The following BCR variants were observed in gnomAD, a reference collection of about 807,000 sequenced individuals.
BCR encodes breakpoint cluster region protein.
A neutral mutation model predicts 138.6 loss-of-function variants in BCR; 58 were observed. The ratio of observed to expected loss-of-function variants is 0.42; its 90% confidence interval spans 0.34 to 0.52. The LOEUF (loss-of-function observed/expected upper bound fraction) is 0.52. BCR is among the 20% of genes least tolerant of loss of function. The probability of loss-of-function intolerance (pLI) is 0.06; values close to 1 mark genes in which losing one functional copy is unlikely to be tolerated. For synonymous variants in BCR, 786 were observed against 730.1 expected (o/e 1.08, Z -1.23); for missense variants, 1,599 against 1,727.2 (o/e 0.93, Z 1.32).
chr22:23,287,917 C>T (rs1048920395), intron 11 of BCR, among the ~76,000 whole-genome samples, 180 bp from the exon 12 acceptor site: 1 of 152,198 alleles, frequency 6.6e-6, no homozygotes, highest in African/African-American at 2.4e-5. Flanking sequence ...TGCTGTGGCA[C>T]CCAGCTGGCA....
chr22:23,264,017 CAT>C (rs2073405187), intron 4 of BCR: 20 of 904,318 alleles, frequency 2.2e-5, no homozygotes, highest in South Asian at 1.9e-4. Flanking sequence ...TGCTGGATGT[CAT>C]ATATGAGTCC....
At chr22:23,304,513 G>A (rs1568983641) in intron 16 of BCR, among the ~76,000 whole-genome samples, 1 of 152,060 alleles carries the variant, frequency 6.6e-6, no homozygotes, top group Admixed American at 6.5e-5. Context: ...TCTAGTTTGG[G>A]CTGTTAAGGT....
At chr22:23,311,993 G>C (rs2074013281) in intron 19 of BCR, 157 bp downstream of exon 19, 2 of 1,387,136 alleles carry the variant, frequency 1.4e-6, no homozygotes, top group East Asian at 5.1e-5. Flanking sequence ...GACAAGAGTT[G>C]TAGAAAAAGC....
At chr22:23,225,030 G>A (rs1473576992) in intron 1 of BCR, among the ~76,000 whole-genome samples, 1 of 151,774 alleles carries the variant, frequency 6.6e-6, no homozygotes, top group Non-Finnish European at 1.5e-5. Context: ...GCAGCTGGCT[G>A]GGATGCTGCA....
chr22:23,240,848 C>G (rs1259676999), intron 1 of BCR, among the ~76,000 whole-genome samples: 1 of 152,124 alleles, frequency 6.6e-6, no homozygotes, highest in Non-Finnish European at 1.5e-5. Flanking sequence ...CCCCTCCTGT[C>G]CAGCACCTCA....
chr22:23,230,660 G>T (rs927569975), intron 1 of BCR, among the ~76,000 whole-genome samples: 1 of 152,222 alleles, frequency 6.6e-6, no homozygotes, highest in Non-Finnish European at 1.5e-5. Flanking sequence ...CTGTCTTAAT[G>T]GTCTTTGCAG....
At chr22:23,271,247 C>T (rs1481697025) in intron 5 of BCR, among the ~76,000 whole-genome samples, 1 of 152,236 alleles carries the variant, frequency 6.6e-6, no homozygotes, top group African/African-American at 2.4e-5. Flanking sequence ...AGCTGCTCAG[C>T]ACCCTAAGGT....
chr22:23,235,281 T>A (rs969675145), intron 1 of BCR, among the ~76,000 whole-genome samples: 1 of 144,068 alleles, frequency 6.9e-6, no homozygotes, highest in Non-Finnish European at 1.6e-5. Context: ...GGTTTCACCA[T>A]GCTGGCCAGA....
At chr22:23,306,252 T>C (rs577013707) in intron 16 of BCR, 1 of 152,184 alleles carries the variant, frequency 6.6e-6, no homozygotes, top group Non-Finnish European at 1.5e-5. Context: ...AGTACCAGGT[T>C]GGAGTGGGCG....
At chr22:23,240,690 A>G (rs550284072) in intron 1 of BCR, among the ~76,000 whole-genome samples, 4 of 152,242 alleles carry the variant, frequency 2.6e-5, no homozygotes, top group African/African-American at 7.2e-5. Context: ...GAAAATATAC[A>G]TAACATGTAC....
At chr22:23,303,600 A>G (rs1023866121) in intron 16 of BCR, among the ~76,000 whole-genome samples, 7 of 152,268 alleles carry the variant, frequency 4.6e-5, no homozygotes, top group African/African-American at 1.7e-4. Context: ...CTCTTGCAGC[A>G]GGAACACAAA....
chr22:23,234,827 G>C (rs925019334), intron 1 of BCR, among the ~76,000 whole-genome samples: 1 of 143,950 alleles, frequency 6.9e-6, no homozygotes, highest in Admixed American at 7.0e-5. Context: ...TGGGACCAGG[G>C]CCGAACCCGT....
intron 1 of BCR, among the ~76,000 whole-genome samples, chr22:23,224,516 C>CATAA (rs2072865168): frequency 6.6e-6 from 1 of 152,190 alleles, no homozygotes. Context: ...CCCTGCTTAC[C>CATAA]CACTCTCGTT....
chr22:23,297,697 G>A (rs2073861819), intron 16 of BCR, among the ~76,000 whole-genome samples: 2 of 152,164 alleles, frequency 1.3e-5, no homozygotes, highest in Admixed American at 6.5e-5. Flanking sequence ...ACCAGGTAAA[G>A]GGAGGTTCAG....
Position 23,317,386 on chromosome 22 carries a change from G to C in BCR, c.*1864G>C, listed in dbSNP as rs991516771. 5.5e-6 allele frequency: 1 copy of C among 182,866 alleles called. No individual in the cohort carries two copies. The highest frequency in any genetic ancestry group is 2.7e-5 in the African/African-American group (1 of 36,500). The allele number at this position is 182,866 out of a possible 1,614,324, so 11.3% of individuals were successfully genotyped here. On this transcript the variant is annotated 3_prime_UTR_variant, in exon 23 of 23. Coordinates refer to ENST00000305877, the MANE Select transcript of BCR (RefSeq NM_004327.4). ...AGCCTCTGCTCTCTGTACCTATCTG[G>C]GCCCGGTGGGCTCCCTTGTCCTGGC...
chr22:23,262,028 G>A (rs755954407), intron 4 of BCR: 51 of 154,314 alleles, frequency 3.3e-4, no homozygotes, highest in Non-Finnish European at 7.0e-4. Flanking sequence ...AGCCTTCCGC[G>A]TAGCTGGGGC....
intron 1 of BCR, among the ~76,000 whole-genome samples, chr22:23,204,402 A>C (rs1466023154): frequency 1.3e-5 from 2 of 151,702 alleles, no homozygotes; most frequent in Non-Finnish European, 2.9e-5. Context: ...TGTGATTCTA[A>C]ATAAAATTAA....
rs534462173 is a variant in BCR at position 23,189,173 on chromosome 22, T to C, written c.1279+6934T>C. On this transcript the variant is annotated intron_variant, in intron 1 of 22. Coordinates refer to ENST00000305877, the MANE Select transcript of BCR (RefSeq NM_004327.4). Reference sequence around the variant, plus strand: ...CTGCGCCCGGCTAAAATTTATATTATAAGATGCACCATTTTCTCCATTTTT... The same window carrying C: ...CTGCGCCCGGCTAAAATTTATATTACAAGATGCACCATTTTCTCCATTTTT... 2.0e-3 allele frequency among the ~76,000 whole-genome samples: 300 copies of C among 152,314 alleles called. 2 individuals are homozygous for C. Among genetic ancestry groups the C allele is most frequent in the African/African-American group, 6.9e-3 (286 of 41,576 alleles).
chr22:23,241,524 C>G (rs1164910568), intron 1 of BCR, among the ~76,000 whole-genome samples: 1 of 152,174 alleles, frequency 6.6e-6, no homozygotes, highest in East Asian at 1.9e-4. Flanking sequence ...CCACGCCATC[C>G]TCCTTTGAAG....
Sources: gnomAD v4.1 joint callset for allele counts (sites outside exome capture counted in the v4.1 genomes callset) on GRCh38, gnomAD v4.1.1 for gene constraint, MANE v1.5 for transcripts, NCBI Gene and HGNC (gene_info 2026-07-23, HGNC 2026-07-21) for gene names.